AP2A1: variants seen among roughly 807,000 people sequenced by gnomAD.
AP2A1 encodes the protein AP-2 complex subunit alpha-1.
A neutral mutation model predicts 107.3 loss-of-function variants in AP2A1; 21 were observed. That is an observed-to-expected ratio of 0.20 (90% CI 0.14 to 0.28). AP2A1 has a LOEUF of 0.28. AP2A1 is among the 10% of genes least tolerant of loss of function. The pLI is 1.00. For missense variants in AP2A1, 873 were observed against 1,307.7 expected (o/e 0.67, Z 5.13); for synonymous variants, 602 against 564.8 (o/e 1.07, Z -0.93).
intron 4 of AP2A1, among the ~76,000 whole-genome samples, chr19:49,789,960 G>A (rs2073121674): frequency 6.6e-6 from 1 of 152,190 alleles, no homozygotes; most frequent in Admixed American, 6.5e-5. Flanking sequence ...GTTGGGGCCT[G>A]GAGTCAGCCC....
intron 13 of AP2A1, 44 bp downstream of exon 13, chr19:49,801,665 T>A: frequency 2.6e-6 from 1 of 384,474 alleles, no homozygotes; most frequent in Non-Finnish European, 4.6e-6. Context: ...GCACACCCCC[T>A]TCCCGCCCTC....
Position 49,795,808 on chromosome 19 carries a change from G to A in AP2A1, c.814+70G>A, listed in dbSNP as rs377512683. 180 of 1,183,186 alleles carry A rather than the reference G, an allele frequency of 1.5e-4. 1 individual carries two copies. The East Asian group carries it at 1.8e-3, about 12-fold the overall frequency. The allele number at this position is 1,183,186 out of a possible 1,614,324, so 73.3% of individuals were successfully genotyped here. A position where few individuals can be genotyped will look rare whatever the true frequency, so the allele number is the denominator to read the frequency against. On this transcript the variant is annotated intron_variant, in intron 7 of 22. Coordinates refer to ENST00000354293, the MANE Select transcript of AP2A1 (RefSeq NM_130787.3). ...GGCATCTGGGGGCCTCCTGCTCCAC[G>A]GCGCACCAGGTGGGACTGGAGGGTC...
rs1006752149 is a variant in AP2A1 at position 49,767,032 on chromosome 19, T to A, written c.-102T>A. The A allele has an allele frequency of 4.2e-6, 5 of 1,203,440 alleles. No individual in the cohort carries two copies. Among genetic ancestry groups the A allele is most frequent in the Non-Finnish European group, 5.5e-6 (5 of 912,056 alleles). The allele number at this position is 1,203,440 out of a possible 1,614,324, so 74.5% of individuals were successfully genotyped here. ...CAGCCCTCCCCGCGGCCGGCTCGGCTCCTTGGCGCTGCCTGGGGTCCTTTC... is the reference window on the plus strand; with the variant it reads ...CAGCCCTCCCCGCGGCCGGCTCGGCACCTTGGCGCTGCCTGGGGTCCTTTC... On this transcript the variant is annotated 5_prime_UTR_variant, in exon 1 of 23. Coordinates refer to ENST00000354293, the MANE Select transcript of AP2A1 (RefSeq NM_130787.3).
intron 4 of AP2A1, among the ~76,000 whole-genome samples, chr19:49,783,644 G>A (rs576941535): frequency 2.0e-4 from 31 of 152,186 alleles, no homozygotes; most frequent in African/African-American, 3.4e-4. Context: ...AAGAGAAGCC[G>A]GGCACCCAAG....
chr19:49,787,403 A>C (rs1403855881), intron 4 of AP2A1, among the ~76,000 whole-genome samples: 1 of 138,698 alleles, frequency 7.2e-6, no homozygotes, highest in Non-Finnish European at 1.5e-5. Flanking sequence ...GCTGGAGTGC[A>C]GTGGTGCAAT....
intron 1 of AP2A1, among the ~76,000 whole-genome samples, chr19:49,776,061 C>T (rs894993983): frequency 1.2e-4 from 19 of 152,226 alleles, no homozygotes; most frequent in African/African-American, 4.3e-4. Context: ...TGGCCGCCTT[C>T]GCACCCGAAC....
In AP2A1 at chr19:49,801,033, C is replaced by T. The variant is rs1290328406; in HGVS notation, c.1528C>T (p.Leu510=). 1.2e-6 allele frequency: 2 copies of T among 1,607,542 alleles called. No homozygotes were observed. Among genetic ancestry groups the T allele is most frequent in the East Asian group, 2.2e-5 (1 of 44,800 alleles). ...GGYILGEFGN[L]IAGDPRSSPP... Reference sequence around the variant, plus strand: ...CTACATCCTTGGGGAGTTTGGGAACCTGATTGCTGGGGACCCCCGCTCCAG... The same window carrying T: ...CTACATCCTTGGGGAGTTTGGGAACTTGATTGCTGGGGACCCCCGCTCCAG... The change falls in exon 12 of 23, where the codon CTG becomes TTG. Residue 510 remains leucine (L), a synonymous_variant. Coordinates refer to ENST00000354293, the MANE Select transcript of AP2A1 (RefSeq NM_130787.3).
At chr19:49,767,355 G>A (rs2084513309) in intron 1 of AP2A1, among the ~76,000 whole-genome samples, 155 bp downstream of exon 1, 1 of 152,136 alleles carries the variant, frequency 6.6e-6, no homozygotes, top group African/African-American at 2.4e-5. Flanking sequence ...TAGAGTGGGG[G>A]GCACGTAGGG....
chr19:49,767,746 C>T (rs1006587702), intron 1 of AP2A1, among the ~76,000 whole-genome samples: 1 of 151,860 alleles, frequency 6.6e-6, no homozygotes, highest in Admixed American at 6.6e-5. Flanking sequence ...TAGAGGAGGC[C>T]TGAGAGTGGT....
intron 1 of AP2A1, among the ~76,000 whole-genome samples, chr19:49,780,926 T>C (rs2084667883): frequency 6.6e-6 from 1 of 151,516 alleles, no homozygotes; most frequent in Admixed American, 6.6e-5. Context: ...GATGTCCAGG[T>C]TCTGTTTGGA....
chr19:49,799,709 C>T lies in AP2A1; in HGVS notation c.1215C>T (p.Ile405=), dbSNP rs1344580727. ...GTGACCGGAGCAATGCCAAGCAGAT[C>T]GTGTCGGAGATGCTGCGGTACCTGG... ...AMCDRSNAKQ[I]VSEMLRYLET... is the part of the protein sequence containing the mutation. Residue 405 remains isoleucine, a synonymous_variant, in exon 10 of 23, where the codon ATC becomes ATT. Coordinates refer to ENST00000354293, the MANE Select transcript of AP2A1 (RefSeq NM_130787.3). 5 of 1,613,402 alleles carry T rather than the reference C, an allele frequency of 3.1e-6. No individual in the cohort carries two copies. The highest frequency in any genetic ancestry group is 1.7e-5 in the Admixed American group (1 of 60,024).
At chr19:49,782,124 T>G in intron 3 of AP2A1, 35 bp downstream of exon 3, 51 of 875,220 alleles carry the variant, frequency 5.8e-5, no homozygotes, top group Non-Finnish European at 6.9e-5. Context: ...GGGCCTGGAC[T>G]CCTGGGTCTG....
rs1376555541 is a variant in AP2A1 at position 49,795,633 on chromosome 19, G to GT, written c.710dup (p.Ser238LeufsTer84). On this transcript the variant is annotated frameshift_variant, in exon 7 of 23. Transcript: ENST00000354293. LOFTEE classifies it high-confidence loss of function. ...ATTTCTTGCTCTTCCCCGCCAGATC[G>GT]TCTCCTCTGCCTCCACCGACCTCCA... 6.9e-7 allele frequency: 1 copy of GT among 1,456,700 alleles called. No individual in the cohort carries two copies. The highest frequency in any genetic ancestry group is 9.2e-7 in the Non-Finnish European group (1 of 1,088,382). 90.2% of individuals were successfully genotyped at this position (1,456,700 alleles called of 1,614,324 possible).
Position 49,798,917 on chromosome 19 carries a change from C to G in AP2A1, c.930C>G (p.Leu310=). The stretch of plus-strand genomic sequence containing the variant: ...ATTCCAACGCCAAGAACGCCATCCT[C>G]TTCGAGACCATCAGCCTCATCATCC... The part of the protein sequence containing the change: ...VQHSNAKNAI[L]FETISLIIHY... Residue 310 remains leucine (L), a synonymous_variant, in exon 8 of 23, where the codon CTC becomes CTG. Coordinates refer to ENST00000354293, the MANE Select transcript of AP2A1 (RefSeq NM_130787.3). The G allele has an allele frequency of 6.4e-7, 1 of 1,556,668 alleles. No individual in the cohort carries two copies. Among genetic ancestry groups the G allele is most frequent in the South Asian group, 1.2e-5 (1 of 84,360 alleles).
At chr19:49,806,291 G>C in intron 22 of AP2A1, 38 bp downstream of exon 22, 1 of 1,559,782 alleles carries the variant, frequency 6.4e-7, no homozygotes, top group Non-Finnish European at 8.7e-7. Flanking sequence ...CCGGCAGGAA[G>C]GCCGCCTGTC....
chr19:49,803,242 G>T (rs779871126), intron 17 of AP2A1, 45 bp from the exon 18 acceptor site: 2 of 1,613,328 alleles, frequency 1.2e-6, no homozygotes, highest in African/African-American at 1.3e-5. Context: ...TGGGGAAGGG[G>T]TCAGAGGGAC....
chr19:49,801,731 C>T lies in AP2A1; in HGVS notation c.1795C>T (p.Leu599=). ...VASTDVLATV[L]EEMPPFPERE... is the part of the protein sequence containing the mutation. Reference sequence around the variant, plus strand: ...ACCCCGACCGCGCCAGGCCACGGTGCTGGAGGAGATGCCGCCCTTCCCCGA... The same window carrying T: ...ACCCCGACCGCGCCAGGCCACGGTGTTGGAGGAGATGCCGCCCTTCCCCGA... Residue 599 remains leucine (L), a synonymous_variant, in exon 14 of 23, where the codon CTG becomes TTG. Transcript: ENST00000354293. The T allele has an allele frequency of 6.5e-7, 1 of 1,548,856 alleles. No individual in the cohort carries two copies. The highest frequency in any genetic ancestry group is 8.7e-7 in the Non-Finnish European group (1 of 1,147,430).
At chr19:49,799,280 C>T in intron 8 of AP2A1, 47 bp from the exon 9 acceptor site, 1 of 1,590,958 alleles carries the variant, frequency 6.3e-7, no homozygotes, top group South Asian at 1.1e-5. Flanking sequence ...TCCACCTTCT[C>T]CTGTCAGTTT....
At chr19:49,789,613 G>A (rs1175994971) in intron 4 of AP2A1, among the ~76,000 whole-genome samples, 4 of 118,316 alleles carry the variant, frequency 3.4e-5, no homozygotes, top group African/African-American at 1.3e-4. Context: ...TTTTTTTGTA[G>A]AGACAGGGTT....
Sources: gnomAD v4.1 joint callset for allele counts (sites outside exome capture counted in the v4.1 genomes callset) on GRCh38, gnomAD v4.1.1 for gene constraint, MANE v1.5 for transcripts, NCBI Gene and HGNC (gene_info 2026-07-23, HGNC 2026-07-21) for gene names.